Variants in MCTP1 observed in about 807,000 individuals in gnomAD.
MCTP1 encodes multiple C2 and transmembrane domain containing 1.
A neutral mutation model predicts 120.6 loss-of-function variants in MCTP1; 69 were observed. That is an observed-to-expected ratio of 0.57 (90% CI 0.47 to 0.70). The LOEUF (loss-of-function observed/expected upper bound fraction) is 0.70. MCTP1 is among the 30% of genes least tolerant of loss of function. MCTP1 has a pLI of 0.00. For synonymous variants in MCTP1, 529 were observed against 493.1 expected, an observed-to-expected ratio of 1.07 and a Z score of -0.96; for missense variants, 1,203 against 1,248.8, an observed-to-expected ratio of 0.96 and a Z score of 0.55.
intron 2 of MCTP1, among the ~76,000 whole-genome samples, chr5:94,995,243 G>A (rs906670267): frequency 1.3e-5 from 2 of 152,138 alleles, no homozygotes; most frequent in Non-Finnish European, 2.9e-5. Context: ...GAATCACATA[G>A]AAGGTTTCTT....
intron 1 of MCTP1, among the ~76,000 whole-genome samples, chr5:95,207,199 T>C (rs1021542235): frequency 3.3e-5 from 5 of 152,200 alleles, no homozygotes; most frequent in Non-Finnish European, 7.4e-5. Context: ...GAAGATGACA[T>C]GTTAATAGAA....
chr5:94,858,205 G>A (rs1376247730), intron 17 of MCTP1, among the ~76,000 whole-genome samples: 2 of 151,430 alleles, frequency 1.3e-5, no homozygotes, highest in Non-Finnish European at 3.0e-5. Flanking sequence ...TTTACTTTTG[G>A]GAAAAGCGTC....
chr5:94,906,944 G>T (rs909604196), intron 10 of MCTP1, among the ~76,000 whole-genome samples: 4 of 152,140 alleles, frequency 2.6e-5, no homozygotes, highest in Non-Finnish European at 4.4e-5. Flanking sequence ...AAGGACAGAT[G>T]ATTATGATGA....
At chr5:94,846,091 G>A (rs971158367) in intron 17 of MCTP1, among the ~76,000 whole-genome samples, 2 of 131,570 alleles carry the variant, frequency 1.5e-5, no homozygotes, top group Non-Finnish European at 1.6e-5. Flanking sequence ...AAGCAGTGTG[G>A]CAATTCCTCA....
At chr5:95,093,701 T>C (rs989258137) in intron 1 of MCTP1, among the ~76,000 whole-genome samples, 1 of 152,212 alleles carries the variant, frequency 6.6e-6, no homozygotes, top group African/African-American at 2.4e-5. Flanking sequence ...TCAAAATCTC[T>C]TTTGTTCCAC....
chr5:95,134,149 A>T (rs1226783939), intron 1 of MCTP1, among the ~76,000 whole-genome samples: 4 of 152,242 alleles, frequency 2.6e-5, no homozygotes, highest in African/African-American at 9.6e-5. Context: ...GTGAGATTGG[A>T]AACAATGAGT....
In MCTP1 at chr5:95,164,292, A is replaced by C. The variant is rs1746076348; in HGVS notation, c.720+119564T>G. Among the ~76,000 whole-genome samples the C allele has an allele frequency of 2.1e-5, 3 of 141,340 alleles. No individual in the cohort carries two copies. In the South Asian group the frequency reaches 7.9e-4, roughly 37 times the overall value. The allele number at this position is 141,340 out of a possible 152,430, so 92.7% of individuals were successfully genotyped here. Reference sequence around the variant, plus strand: ...TTTCTGTAAATCACTTTCCTTTCTTATTCACATCAAAAAAAAAGGTTTACA... The same window carrying C: ...TTTCTGTAAATCACTTTCCTTTCTTCTTCACATCAAAAAAAAAGGTTTACA... On this transcript the variant is annotated intron_variant, in intron 1 of 22. Transcript: ENST00000515393.
intron 1 of MCTP1, among the ~76,000 whole-genome samples, chr5:95,075,620 G>C (rs182430369): frequency 1.5e-3 from 232 of 152,248 alleles, no homozygotes; most frequent in African/African-American, 5.2e-3. Context: ...AAAACACCTA[G>C]ATGGAGACGC....
intron 2 of MCTP1, among the ~76,000 whole-genome samples, chr5:95,002,534 G>A (rs927672717): frequency 1.3e-5 from 2 of 152,218 alleles, no homozygotes; most frequent in African/African-American, 4.8e-5. Context: ...TGGAGTCAAA[G>A]GAGATCATTT....
At chr5:95,251,478 G>T (rs906049496) in intron 1 of MCTP1, among the ~76,000 whole-genome samples, 5 of 152,034 alleles carry the variant, frequency 3.3e-5, no homozygotes, top group Admixed American at 2.0e-4. Context: ...AATTAAGAAA[G>T]AATTACTCAC....
chr5:94,943,891 T>C (rs2153512308), intron 3 of MCTP1, among the ~76,000 whole-genome samples: 1 of 152,110 alleles, frequency 6.6e-6, no homozygotes, highest in East Asian at 1.9e-4. Context: ...ACCAGATAAA[T>C]CTGCTCTTGA....
At chr5:95,196,421 G>T (rs769407092) in intron 1 of MCTP1, among the ~76,000 whole-genome samples, 4 of 152,130 alleles carry the variant, frequency 2.6e-5, no homozygotes, top group Non-Finnish European at 5.9e-5. Context: ...CACAAAGCTG[G>T]AAAGTGGCAG....
At chr5:94,850,956 C>T (rs887872293) in intron 17 of MCTP1, among the ~76,000 whole-genome samples, 7 of 152,042 alleles carry the variant, frequency 4.6e-5, no homozygotes, top group Non-Finnish European at 8.8e-5. Context: ...TTGTTCAGAA[C>T]TATCTACATT....
intron 1 of MCTP1, among the ~76,000 whole-genome samples, chr5:95,179,317 G>A (rs773323732): frequency 1.4e-4 from 22 of 152,100 alleles, no homozygotes; most frequent in African/African-American, 2.4e-4. Context: ...ATCCAAATAC[G>A]AGTAGCTCAA....
chr5:94,970,970 T>G (rs889765009), intron 2 of MCTP1, among the ~76,000 whole-genome samples: 10 of 152,082 alleles, frequency 6.6e-5, no homozygotes, highest in African/African-American at 2.4e-4. Context: ...CCTTTTCATC[T>G]GTGGGTCACA....
At chr5:95,148,916 A>T (rs1343602349) in intron 1 of MCTP1, among the ~76,000 whole-genome samples, 1 of 152,114 alleles carries the variant, frequency 6.6e-6, no homozygotes, top group Non-Finnish European at 1.5e-5. Flanking sequence ...TTGTGGCTGA[A>T]TTTTTGCCTT....
chr5:94,861,824 T>C (rs979706086), intron 17 of MCTP1, among the ~76,000 whole-genome samples: 6 of 151,734 alleles, frequency 4.0e-5, no homozygotes, highest in South Asian at 2.1e-4. Flanking sequence ...ATATTGACCA[T>C]GTAACAATTT....
chr5:95,248,832 T>C (rs1049541934), intron 1 of MCTP1, among the ~76,000 whole-genome samples: 1 of 152,012 alleles, frequency 6.6e-6, no homozygotes, highest in Non-Finnish European at 1.5e-5. Flanking sequence ...TATAGACCAA[T>C]GGAACAGAAC....
intron 19 of MCTP1, among the ~76,000 whole-genome samples, chr5:94,768,178 G>T (rs925981235): frequency 6.6e-6 from 1 of 151,946 alleles, no homozygotes; most frequent in African/African-American, 2.4e-5. Flanking sequence ...CAATAAATGG[G>T]GCTGGGAAAA....
Sources: allele counts gnomAD v4.1 joint callset (sites outside exome capture counted in the v4.1 genomes callset), GRCh38; gene constraint gnomAD v4.1.1; transcripts MANE v1.5; gene names NCBI Gene and HGNC (gene_info 2026-07-23, HGNC 2026-07-21).